Variants in SIPA1L3 observed in about 807,000 individuals in gnomAD.
The protein encoded by SIPA1L3 is signal induced proliferation associated 1 like 3, also known as signal-induced proliferation-associated 1-like protein 3.
Under a neutral mutation model 150.1 loss-of-function variants are expected in SIPA1L3, and 59 were observed. The observed-to-expected ratio is 0.39, with a 90% CI of 0.32 to 0.49. The LOEUF (loss-of-function observed/expected upper bound fraction) is 0.49, where lower values mean the gene tolerates loss of function less well. Ranked by LOEUF, SIPA1L3 falls within the 20% of genes least tolerant of loss-of-function variation. SIPA1L3 has a pLI of 0.86. For missense variants in SIPA1L3, 2,211 were observed against 2,489.5 expected (o/e 0.89, Z 2.38); for synonymous variants, 1,070 against 1,077.6 (o/e 0.99, Z 0.14).
intron 1 of SIPA1L3, among the ~76,000 whole-genome samples, chr19:37,934,812 T>G (rs1342429504): frequency 1.3e-5 from 2 of 152,196 alleles, no homozygotes; most frequent in African/African-American, 4.8e-5. Context: ...TTCTTGCATT[T>G]TGCTCTTCTC....
intron 4 of SIPA1L3, among the ~76,000 whole-genome samples, chr19:38,092,576 C>T (rs1387879385): frequency 6.6e-6 from 1 of 152,198 alleles, no homozygotes; most frequent in Admixed American, 6.5e-5. Context: ...CTGATCCATC[C>T]CTGATGACAG....
At chr19:38,206,009 G>C in intron 21 of SIPA1L3, 88 bp from the exon 22 acceptor site, 2 of 1,412,390 alleles carry the variant, frequency 1.4e-6, no homozygotes. Flanking sequence ...GCACAGCCGG[G>C]CCAGGGCTCA....
intron 3 of SIPA1L3, among the ~76,000 whole-genome samples, chr19:38,084,742 C>T (rs544815169): frequency 7.3e-5 from 11 of 150,714 alleles, no homozygotes; most frequent in Non-Finnish European, 1.3e-4. Flanking sequence ...TGGGTTCACG[C>T]GATTCTCCTG....
Position 37,985,852 on chromosome 19 carries a change from G to A in SIPA1L3, c.-378-43237G>A, listed in dbSNP as rs975527081. On this transcript the variant is annotated intron_variant, in intron 1 of 21. Coordinates refer to ENST00000222345, the MANE Select transcript of SIPA1L3 (RefSeq NM_015073.3). The stretch of plus-strand genomic sequence containing the variant: ...CTTCCCAGGGCCCTTACCCAGGGAT[G>A]CGGGGCCACAGGGAAGAGACCCTTC... Among the ~76,000 whole-genome samples the A allele has an allele frequency of 3.3e-5, 5 of 152,354 alleles. No homozygotes were observed. In the South Asian group the frequency reaches 1.0e-3, roughly 32 times the overall value.
intron 1 of SIPA1L3, among the ~76,000 whole-genome samples, chr19:38,025,559 G>C (rs1286072708): frequency 6.6e-6 from 1 of 152,200 alleles, no homozygotes; most frequent in Non-Finnish European, 1.5e-5. Flanking sequence ...GGCTGAGAGA[G>C]ACTTGGCACC....
At chr19:38,055,498 C>T (rs1969295765) in intron 2 of SIPA1L3, among the ~76,000 whole-genome samples, 1 of 152,242 alleles carries the variant, frequency 6.6e-6, no homozygotes, top group Non-Finnish European at 1.5e-5. Context: ...CCCCCATCCC[C>T]TGCAAACTTC....
At chr19:38,133,168 C>T (rs780567882) in intron 10 of SIPA1L3, among the ~76,000 whole-genome samples, 25 of 152,246 alleles carry the variant, frequency 1.6e-4, no homozygotes, top group Non-Finnish European at 2.8e-4. Flanking sequence ...GAAGGCACTG[C>T]GTGCCTGGTC....
intron 1 of SIPA1L3, among the ~76,000 whole-genome samples, chr19:37,977,636 A>G (rs543457399): frequency 6.8e-6 from 1 of 147,706 alleles, no homozygotes; most frequent in Admixed American, 6.7e-5. Context: ...TCCCCAGGAA[A>G]AGTGGGCTGC....
intron 1 of SIPA1L3, among the ~76,000 whole-genome samples, chr19:38,001,166 A>G (rs981255619): frequency 1.4e-4 from 21 of 151,710 alleles, no homozygotes; most frequent in Non-Finnish European, 1.3e-4. Flanking sequence ...GGGTGGAGTT[A>G]CTTCAGAATA....
rs371377421 is a variant in SIPA1L3, at chr19:38,119,346, C to T, written c.2332C>T (p.Pro778Ser). ...ATCCAAAGACGCTCCTCCTTTCGGC[C>T]CCCCCATCCCCAGTGGAACCACATT... ...TRSKDAPPFGPPIPSGTTFRK... is the reference protein window; with the variant it reads ...TRSKDAPPFGSPIPSGTTFRK... The change falls in exon 9 of 22, where the codon CCC becomes TCC. Residue 778 changes from proline (P) to serine (S), a missense_variant. Coordinates refer to ENST00000222345, the MANE Select transcript of SIPA1L3 (RefSeq NM_015073.3). 1.2e-5 allele frequency: 19 copies of T among 1,614,050 alleles called. No individual in the cohort carries two copies. Among genetic ancestry groups the T allele is most frequent in the East Asian group, 2.2e-5 (1 of 44,892 alleles).
intron 16 of SIPA1L3, among the ~76,000 whole-genome samples, chr19:38,188,651 G>A (rs188175692): frequency 2.0e-5 from 3 of 152,124 alleles, no homozygotes; most frequent in Non-Finnish European, 2.9e-5. Flanking sequence ...GGCCAGGCGC[G>A]GTGGCGCATG....
At chr19:38,069,504 C>G (rs764538081) in intron 2 of SIPA1L3, among the ~76,000 whole-genome samples, 1 of 152,256 alleles carries the variant, frequency 6.6e-6, no homozygotes, top group Non-Finnish European at 1.5e-5. Flanking sequence ...GGAGGCAGAC[C>G]CTCTTCTCTC....
intron 1 of SIPA1L3, among the ~76,000 whole-genome samples, chr19:37,985,935 C>T (rs943294490): frequency 1.4e-4 from 22 of 152,216 alleles, no homozygotes; most frequent in African/African-American, 5.1e-4. Context: ...CTTTTTGTTC[C>T]AAAGGTGACC....
Position 38,047,242 on chromosome 19 carries a change from A to ACACG in SIPA1L3, c.-311+18094_-311+18097dup, listed in dbSNP as rs1969081993. Among the ~76,000 whole-genome samples, 2 of 152,068 alleles carry ACACG rather than the reference A, an allele frequency of 1.3e-5. No homozygotes were observed. Among genetic ancestry groups the ACACG allele is most frequent in the Non-Finnish European group, 2.9e-5 (2 of 67,998 alleles). On this transcript the variant is annotated intron_variant, in intron 2 of 21. Transcript: ENST00000222345. This position sits in a 1 kb window ranked among gnomAD's most constrained non-coding sequence, Gnocchi z 4.7. Reference sequence around the variant, plus strand: ...CCCCCGCCGACACACACGCACGCACACACGCACGCACTCACACACACTCCT... The same window carrying ACACG: ...CCCCCGCCGACACACACGCACGCACACACGCACGCACGCACTCACACACACTCCT...
At chr19:37,928,599 G>A (rs1214047029) in intron 1 of SIPA1L3, among the ~76,000 whole-genome samples, 1 of 151,988 alleles carries the variant, frequency 6.6e-6, no homozygotes, top group Non-Finnish European at 1.5e-5. Flanking sequence ...AAAAACCCTA[G>A]CAAGGATCAG....
chr19:37,933,413 T>C (rs1293630571), intron 1 of SIPA1L3, among the ~76,000 whole-genome samples: 1 of 152,176 alleles, frequency 6.6e-6, no homozygotes, highest in Non-Finnish European at 1.5e-5. Flanking sequence ...TACTCTTTGC[T>C]TTATTTTTCT....
At chr19:38,153,386 A>C (rs1360304356) in intron 13 of SIPA1L3, among the ~76,000 whole-genome samples, 6 of 152,164 alleles carry the variant, frequency 3.9e-5, no homozygotes, top group African/African-American at 1.4e-4. Flanking sequence ...AAGAGCCCAC[A>C]TGGCCAGGCG....
Position 38,106,619 on chromosome 19 carries a change from C to T in SIPA1L3, c.2112C>T (p.Tyr704=), listed in dbSNP as rs201079001. 2.8e-5 allele frequency: 45 copies of T among 1,612,862 alleles called. No homozygotes were observed. The highest frequency in any genetic ancestry group is 5.0e-5 in the Admixed American group (3 of 59,998). The change falls in exon 7 of 22, where the codon TAC becomes TAT. Residue 704 remains tyrosine, a synonymous_variant. Transcript: ENST00000222345. ...IMFHVSTLLP[Y]TPNNRQQLLR... Reference sequence around the variant, plus strand: ...TCCATGTCTCCACCCTGCTCCCTTACACCCCCAACAACAGGCAGCAGGTCA... The same window carrying T: ...TCCATGTCTCCACCCTGCTCCCTTATACCCCCAACAACAGGCAGCAGGTCA...
At chr19:38,114,811 A>G (rs1157710874) in intron 8 of SIPA1L3, among the ~76,000 whole-genome samples, 1 of 152,218 alleles carries the variant, frequency 6.6e-6, no homozygotes, top group Non-Finnish European at 1.5e-5. Context: ...TAGCCAGTCA[A>G]CGCCAGAGAT....
Sources: gnomAD v4.1 joint callset for allele counts (sites outside exome capture counted in the v4.1 genomes callset) on GRCh38, gnomAD v4.1.1 for gene constraint, Gnocchi (gnomAD v3.1) non-coding constraint, MANE v1.5 for transcripts, NCBI Gene and HGNC (gene_info 2026-07-23, HGNC 2026-07-21) for gene names.